DCC: variants seen among roughly 807,000 people sequenced by gnomAD.
DCC encodes the protein netrin receptor DCC.
In DCC, 58 loss-of-function variants were observed where a neutral mutation model predicts 172.5. The observed-to-expected ratio is 0.34, with a 90% CI of 0.27 to 0.42. The LOEUF (loss-of-function observed/expected upper bound fraction) is 0.42, where lower values mean the gene tolerates loss of function less well. Among genes scored for constraint, DCC ranks in the 10% least tolerant of loss-of-function variants. The pLI, the probability that DCC is intolerant of heterozygous loss-of-function variation, is 1.00. For missense variants in DCC, 1,740 were observed against 1,791.0 expected (o/e 0.97, Z 0.51); for synonymous variants, 709 against 644.5 (o/e 1.10, Z -1.52).
chr18:52,404,762 C>G (rs992624858), intron 1 of DCC, among the ~76,000 whole-genome samples: 1 of 151,038 alleles, frequency 6.6e-6, no homozygotes, highest in Admixed American at 6.6e-5. Flanking sequence ...GCTGCACCCA[C>G]TAACTCGTCA....
intron 1 of DCC, among the ~76,000 whole-genome samples, chr18:52,381,121 G>T (rs981672791): frequency 6.6e-6 from 1 of 152,098 alleles, no homozygotes; most frequent in African/African-American, 2.4e-5. Context: ...AATTAGTGTT[G>T]CTGAATTTAT....
chr18:53,305,417 C>T (rs1436342821), intron 12 of DCC, among the ~76,000 whole-genome samples, 161 bp from the exon 13 acceptor site: 1 of 152,172 alleles, frequency 6.6e-6, no homozygotes, highest in Non-Finnish European at 1.5e-5. Context: ...AATAAGAATG[C>T]TGTCAGATTA....
At chr18:52,762,472 CAAA>C (rs10545448) in intron 2 of DCC, among the ~76,000 whole-genome samples, 31,052 of 139,372 alleles carry the variant, frequency 0.22, 4,573 homozygotes, top group African/African-American at 0.44. Context: ...GACCTTATCT[CAAA>C]AAAAAAAAAA....
At chr18:52,390,704 T>G (rs1203934772) in intron 1 of DCC, among the ~76,000 whole-genome samples, 1 of 152,054 alleles carries the variant, frequency 6.6e-6, no homozygotes, top group Non-Finnish European at 1.5e-5. Flanking sequence ...AGAGAAGAAA[T>G]GCAGCATCCT....
intron 1 of DCC, among the ~76,000 whole-genome samples, chr18:52,411,156 T>A (rs541039348): frequency 2.6e-5 from 4 of 152,300 alleles, no homozygotes; most frequent in Non-Finnish European, 5.9e-5. Flanking sequence ...TACTACGGTT[T>A]GCATGCAACA....
At chr18:52,535,966 A>G (rs534648644) in intron 1 of DCC, among the ~76,000 whole-genome samples, 1 of 152,310 alleles carries the variant, frequency 6.6e-6, no homozygotes, top group African/African-American at 2.4e-5. Context: ...AACCTGAGGG[A>G]GTCTGGAATC....
intron 1 of DCC, among the ~76,000 whole-genome samples, chr18:52,544,643 G>A (rs1451790943): frequency 6.6e-6 from 1 of 152,076 alleles, no homozygotes; most frequent in African/African-American, 2.4e-5. Flanking sequence ...AGAACAGTGA[G>A]CAGAAAGGAA....
intron 5 of DCC, among the ~76,000 whole-genome samples, chr18:52,931,514 G>C (rs975554586): frequency 6.6e-6 from 1 of 152,068 alleles, no homozygotes; most frequent in Admixed American, 6.6e-5. Flanking sequence ...GACTTTTCAA[G>C]TAGAATATCA....
chr18:52,997,250 A>G (rs2041496557), intron 5 of DCC, among the ~76,000 whole-genome samples: 1 of 152,126 alleles, frequency 6.6e-6, no homozygotes, highest in Non-Finnish European at 1.5e-5. Context: ...TCTGACAGAT[A>G]TCTACAAGCC....
chr18:52,849,359 C>T (rs948913207), intron 2 of DCC, among the ~76,000 whole-genome samples: 5 of 152,124 alleles, frequency 3.3e-5, no homozygotes, highest in Non-Finnish European at 5.9e-5. Context: ...AAGACTGATT[C>T]CCTGCCAGTC....
At chr18:52,974,316 C>T (rs1042868196) in intron 5 of DCC, among the ~76,000 whole-genome samples, 53 of 152,144 alleles carry the variant, frequency 3.5e-4, no homozygotes, top group African/African-American at 1.2e-3. Context: ...CTAGTATTGC[C>T]GGGTGGGAGA....
At chr18:53,412,139 G>C (rs1910021437) in intron 20 of DCC, among the ~76,000 whole-genome samples, 1 of 152,080 alleles carries the variant, frequency 6.6e-6, no homozygotes, top group African/African-American at 2.4e-5. Flanking sequence ...TTTACCCTAA[G>C]TGCCCTAAAC....
chr18:53,404,311 C>A (rs1019363488), intron 19 of DCC, among the ~76,000 whole-genome samples: 4 of 151,870 alleles, frequency 2.6e-5, no homozygotes, highest in Non-Finnish European at 5.9e-5. Context: ...CATTTGAATT[C>A]TCCACTCTTA....
chr18:52,937,942 A>C (rs1159724666), intron 5 of DCC, among the ~76,000 whole-genome samples: 1 of 152,120 alleles, frequency 6.6e-6, no homozygotes, highest in African/African-American at 2.4e-5. Context: ...AGCGAGTGAC[A>C]CCTAACCTGC....
At chr18:52,939,092 T>G (rs1006401581) in intron 5 of DCC, among the ~76,000 whole-genome samples, 1 of 152,198 alleles carries the variant, frequency 6.6e-6, no homozygotes, top group Non-Finnish European at 1.5e-5. Context: ...ACTGTGGGAT[T>G]TGGTTTGTCT....
At chr18:52,902,482 A>G (rs2039824079) in intron 2 of DCC, among the ~76,000 whole-genome samples, 1 of 152,180 alleles carries the variant, frequency 6.6e-6, no homozygotes, top group South Asian at 2.1e-4. Context: ...TATTTTTCAC[A>G]AGGATCTAGT....
At chr18:53,476,124 C>T (rs1306828972) in intron 25 of DCC, among the ~76,000 whole-genome samples, 1 of 152,158 alleles carries the variant, frequency 6.6e-6, no homozygotes, top group Non-Finnish European at 1.5e-5. Flanking sequence ...CCTGTAACCC[C>T]ATTTTATATA....
chr18:52,576,739 A>G (rs1230796565), intron 1 of DCC, among the ~76,000 whole-genome samples: 1 of 151,756 alleles, frequency 6.6e-6, no homozygotes, highest in African/African-American at 2.4e-5. Context: ...CTGAGGCAGG[A>G]GAATGGCGTG....
intron 1 of DCC, among the ~76,000 whole-genome samples, chr18:52,608,922 A>C (rs1025931858): frequency 5.9e-5 from 9 of 152,116 alleles, no homozygotes; most frequent in African/African-American, 2.2e-4. Context: ...CCATCAGACA[A>C]TTGTCCGTAT....
Sources: gnomAD v4.1 joint callset for allele counts (sites outside exome capture counted in the v4.1 genomes callset) on GRCh38, gnomAD v4.1.1 for gene constraint, MANE v1.5 for transcripts, NCBI Gene and HGNC (gene_info 2026-07-23, HGNC 2026-07-21) for gene names.